The following ZNF528 variants were observed in gnomAD, a reference collection of about 807,000 sequenced individuals.
The protein encoded by ZNF528 is zinc finger protein 528.
ZNF528 carries 9 observed loss-of-function variants against 13.3 expected under a neutral mutation model. That is an observed-to-expected ratio of 0.67 (90% CI 0.41 to 1.18). The LOEUF is 1.18. ZNF528 is among the 50% of genes most tolerant of loss of function. The probability of loss-of-function intolerance (pLI) is 0.01; values close to 1 mark genes in which losing one functional copy is unlikely to be tolerated. For synonymous variants in ZNF528, 264 were observed against 254.3 expected, an observed-to-expected ratio of 1.04 and a Z score of -0.36; for missense variants, 858 against 745.4, an observed-to-expected ratio of 1.15 and a Z score of -1.76.
chr19:52,405,786 A>T, intron 4 of ZNF528, 121 bp from the exon 5 acceptor site: 1 of 1,345,294 alleles, frequency 7.4e-7, no homozygotes, highest in Non-Finnish European at 1.0e-6. Flanking sequence ...AGAATACCTT[A>T]ATATGGATTT....
chr19:52,416,650 A>G lies in ZNF528; in HGVS notation c.1798A>G (p.Ile600Val). ...CCTCACCAATCACCATAGAATTCACATTGGAGAGAAACCTTACAAATGCAC... is the reference window on the plus strand; with the variant it reads ...CCTCACCAATCACCATAGAATTCACGTTGGAGAGAAACCTTACAAATGCAC... Reference protein sequence around the residue: ...SSLTNHHRIHIGEKPYKCTLC... With the variant: ...SSLTNHHRIHVGEKPYKCTLC... The change falls in exon 7 of 7, where the codon ATT (isoleucine) becomes GTT (valine). Residue 600 changes from isoleucine (I) to valine (V), a missense_variant. Coordinates refer to ENST00000360465, the MANE Select transcript of ZNF528 (RefSeq NM_032423.3). 2 of 1,614,202 alleles carry G rather than the reference A, an allele frequency of 1.2e-6. No homozygotes were observed. Among genetic ancestry groups the G allele is most frequent in the Non-Finnish European group, 1.7e-6 (2 of 1,180,004 alleles).
intron 6 of ZNF528, chr19:52,413,893 C>G: frequency 3.7e-6 from 1 of 272,918 alleles, no homozygotes; most frequent in South Asian, 5.1e-5. Context: ...CCTGCTGTGT[C>G]CCAATTTTCC....
intron 6 of ZNF528, among the ~76,000 whole-genome samples, chr19:52,409,619 G>T (rs1397276828): frequency 6.6e-6 from 1 of 151,742 alleles, no homozygotes; most frequent in Non-Finnish European, 1.5e-5. Context: ...GGGTTTTTTT[G>T]TTTGTTTGTT....
At chr19:52,406,700 G>GTCTA (rs778558654) in intron 6 of ZNF528, 57 bp downstream of exon 6, 1 of 1,555,342 alleles carries the variant, frequency 6.4e-7, no homozygotes, top group Non-Finnish European at 8.7e-7. Flanking sequence ...TTGAGACAGG[G>GTCTA]TCTAACGCTG....
At chr19:52,403,659 C>CAAAA (rs398035018) in intron 4 of ZNF528, among the ~76,000 whole-genome samples, 7 of 84,906 alleles carry the variant, frequency 8.2e-5, no homozygotes, top group Admixed American at 1.6e-4. Context: ...GACTCCATCT[C>CAAAA]AAAAAAAAAA....
intron 6 of ZNF528, chr19:52,411,763 A>G (rs1039615773): frequency 3.3e-5 from 5 of 152,198 alleles, no homozygotes; most frequent in African/African-American, 1.2e-4. Context: ...AACCTTTTCT[A>G]CTTTCATATC....
intron 2 of ZNF528, among the ~76,000 whole-genome samples, chr19:52,400,227 A>AAC (rs56136198): frequency 0.043 from 6,169 of 144,652 alleles, 268 homozygotes; most frequent in African/African-American, 0.11. Flanking sequence ...TGCCCATTAA[A>AAC]ACACACACAC....
chr19:52,403,116 G>A (rs559609893), intron 4 of ZNF528, among the ~76,000 whole-genome samples: 1 of 152,338 alleles, frequency 6.6e-6, no homozygotes, highest in South Asian at 2.1e-4. Context: ...TATAAAATAA[G>A]TTGGTACAAT....
intron 2 of ZNF528, 146 bp from the exon 3 acceptor site, chr19:52,401,539 C>T (rs777436959): frequency 2.8e-5 from 16 of 577,716 alleles, no homozygotes; most frequent in South Asian, 1.1e-4. Flanking sequence ...CTGTTCTTCC[C>T]GCTCCCTCTA....
intron 6 of ZNF528, chr19:52,414,189 C>G (rs1450329146): frequency 1.4e-6 from 1 of 702,356 alleles, no homozygotes; most frequent in East Asian, 2.7e-5. Flanking sequence ...TCCCCATTCA[C>G]CTTGTGAATT....
intron 2 of ZNF528, among the ~76,000 whole-genome samples, chr19:52,399,692 A>G (rs990626637): frequency 6.6e-6 from 1 of 152,138 alleles, no homozygotes; most frequent in Non-Finnish European, 1.5e-5. Context: ...CTTGGGATGG[A>G]CTAGGGTGTG....
intron 2 of ZNF528, among the ~76,000 whole-genome samples, chr19:52,398,887 G>C (rs1351166541): frequency 6.6e-6 from 1 of 152,086 alleles, no homozygotes; most frequent in Non-Finnish European, 1.5e-5. Flanking sequence ...TGGGATCTAA[G>C]GGTGCCAGAG....
chr19:52,416,905 A>G lies in ZNF528; in HGVS notation c.*166A>G. 1 of 664,144 alleles carries G rather than the reference A, an allele frequency of 1.5e-6. No individual in the cohort carries two copies. Among genetic ancestry groups the G allele is most frequent in the Non-Finnish European group, 2.5e-6 (1 of 399,800 alleles). The allele number at this position is 664,144 out of a possible 1,614,324, so 41.1% of individuals were successfully genotyped here. ...ATCACCACATCACTGTGGAGGATGAAAGCACACAGATGAATTGTGTGTACT... is the reference window on the plus strand; with the variant it reads ...ATCACCACATCACTGTGGAGGATGAGAGCACACAGATGAATTGTGTGTACT... On this transcript the variant is annotated 3_prime_UTR_variant, in exon 7 of 7. Transcript: ENST00000360465.
chr19:52,407,223 C>T (rs1192506038), intron 6 of ZNF528, among the ~76,000 whole-genome samples: 2 of 151,586 alleles, frequency 1.3e-5, no homozygotes, highest in African/African-American at 2.4e-5. Flanking sequence ...GCTGCATCCT[C>T]GACTTCCTGG....
In ZNF528 at chr19:52,416,133, T is replaced by C; in HGVS notation, c.1281T>C (p.His427=). ...GTCAGAAATCAGACCTTATACGACA[T>C]CGAAAAACTCATACTGATGAGAAGC... ...IFSQKSDLIR[H]RKTHTDEKPY... is the part of the protein sequence containing the mutation. Residue 427 remains histidine, a synonymous_variant, in exon 7 of 7, where the codon CAT becomes CAC. Coordinates refer to ENST00000360465, the MANE Select transcript of ZNF528 (RefSeq NM_032423.3). 6.2e-7 allele frequency: 1 copy of C among 1,614,044 alleles called. No homozygotes were observed. Among genetic ancestry groups the C allele is most frequent in the Non-Finnish European group, 8.5e-7 (1 of 1,180,026 alleles).
Position 52,406,526 on chromosome 19 carries a change from C to G in ZNF528, c.154C>G (p.Pro52Ala). Residue 52 changes from proline to alanine, a missense_variant, in exon 6 of 7, where the codon CCT (proline) becomes GCT (alanine). Coordinates refer to ENST00000360465, the MANE Select transcript of ZNF528 (RefSeq NM_032423.3). Reference protein sequence around the residue: ...RNLVSLGICLPDLSVTSMLEQ... With the variant: ...RNLVSLGICLADLSVTSMLEQ... ...TCTTTTATAAATAGGAATCTGTCTT[C>G]CTGACCTGAGTGTTACCTCCATGTT... The G allele has an allele frequency of 6.2e-7, 1 of 1,613,730 alleles. No homozygotes were observed. Among genetic ancestry groups the G allele is most frequent in the Non-Finnish European group, 8.5e-7 (1 of 1,179,896 alleles).
intron 6 of ZNF528, chr19:52,413,231 T>A (rs980772589): frequency 6.6e-6 from 1 of 152,224 alleles, no homozygotes; most frequent in Non-Finnish European, 1.5e-5. Context: ...CAGGTCTGAA[T>A]AAGGGTCATT....
intron 2 of ZNF528, among the ~76,000 whole-genome samples, chr19:52,400,678 C>T (rs1461375255): frequency 6.6e-5 from 10 of 152,020 alleles, no homozygotes; most frequent in Non-Finnish European, 4.4e-5. Flanking sequence ...TGTCCCTCTG[C>T]GTGGCTGATT....
intron 6 of ZNF528, 194 bp from the exon 7 acceptor site, chr19:52,414,930 C>G: frequency 6.6e-7 from 1 of 1,518,462 alleles, no homozygotes; most frequent in East Asian, 2.5e-5. Context: ...ATTCTCTCGA[C>G]TCCTGCAGAT....
Sources: allele counts gnomAD v4.1 joint callset (sites outside exome capture counted in the v4.1 genomes callset), GRCh38; gene constraint gnomAD v4.1.1; transcripts MANE v1.5; gene names NCBI Gene and HGNC (gene_info 2026-07-23, HGNC 2026-07-21).